The following TEX14 variants were observed in gnomAD, a reference collection of about 807,000 sequenced individuals.
The protein encoded by TEX14 is inactive serine/threonine-protein kinase TEX14.
TEX14 carries 168 observed loss-of-function variants against 178.6 expected under a neutral mutation model. The ratio of observed to expected loss-of-function variants is 0.94; its 90% CI spans 0.83 to 1.07. The LOEUF is 1.07. Among genes scored for constraint, TEX14 ranks in the 50% least tolerant of loss-of-function variants. TEX14 has a pLI of 0.00. For missense variants in TEX14, 1,730 were observed against 1,753.6 expected (o/e 0.99, Z 0.24); for synonymous variants, 626 against 634.1 (o/e 0.99, Z 0.19).
chr17:58,692,028 T>C lies in TEX14; in HGVS notation c.-91A>G, dbSNP rs2047743720. The C allele has an allele frequency of 7.1e-6, 1 of 140,994 alleles. No homozygotes were observed. The highest frequency in any genetic ancestry group is 2.2e-4 in the South Asian group (1 of 4,518). 8.7% of individuals were successfully genotyped at this position (140,994 alleles called of 1,614,324 possible). A position where few individuals can be genotyped will look rare whatever the true frequency, so the allele number is the denominator to read the frequency against. On this transcript the variant is annotated 5_prime_UTR_variant, in exon 1 of 32. Coordinates refer to ENST00000349033, the MANE Select transcript of TEX14 (RefSeq NM_031272.5). ...TCGGGATACGACTCCCGGGAAGACG[T>C]GGGTGGGTGCGGGGAATGCGGACTG...
rs1478772395 is a variant in TEX14 at position 58,599,234 on chromosome 17, C to A, written c.2111G>T (p.Ser704Ile). The A allele has an allele frequency of 6.2e-7, 1 of 1,613,884 alleles. No individual in the cohort carries two copies. Among genetic ancestry groups the A allele is most frequent in the East Asian group, 2.2e-5 (1 of 44,878 alleles). ...GGCTTCTCTGGTTGACTCAGGAAGG[C>A]TGAGTGAACTGAGTGAACCGTTTTG... ...DWQNGSLSSL[S>I]LPESTREAKS... The change falls in exon 14 of 32, where the codon AGC becomes ATC. Residue 704 changes from serine to isoleucine, a missense_variant. This residue lies in a region of TEX14 where 941 missense variants were observed against 1,072.4 expected (regional missense o/e 0.88). Transcript: ENST00000349033.
rs986061483 is a variant in TEX14 at position 58,678,853 on chromosome 17, T to TAATAATAATAAA, written c.-2+13085_-2+13086insTTTATTATTATT. On this transcript the variant is annotated intron_variant, in intron 1 of 31. Coordinates refer to ENST00000349033, the MANE Select transcript of TEX14 (RefSeq NM_031272.5). ...ATAATAATAATAATAATAATAATAA[T>TAATAATAATAAA]AAAAGAGAAGGACACTGGAGCCAGG... Among the ~76,000 whole-genome samples the TAATAATAATAAA allele has an allele frequency of 1.6e-3, 239 of 146,766 alleles. 1 individual carries two copies. The highest frequency in any genetic ancestry group is 5.8e-3 in the African/African-American group (228 of 39,462).
Position 58,593,692 on chromosome 17 carries a change from T to C in TEX14, c.2470-31A>G, listed in dbSNP as rs79825020. The C allele has an allele frequency of 1.4e-5, 22 of 1,555,518 alleles. No individual in the cohort carries two copies. In the South Asian group the frequency reaches 2.4e-4, roughly 17 times the overall value. On this transcript the variant is annotated intron_variant, in intron 14 of 31. Transcript: ENST00000349033. ...AAAGCAATAAACATGTTTCAGGGCT[T>C]TGATGAGAGAATTCCCACTCTCTTC... is the stretch of plus-strand genomic sequence containing the variant.
chr17:58,607,301 T>C (rs987389316), intron 10 of TEX14, among the ~76,000 whole-genome samples: 3 of 152,186 alleles, frequency 2.0e-5, no homozygotes, highest in Non-Finnish European at 4.4e-5. Flanking sequence ...AGGTCATTCC[T>C]AGACATTCAC....
chr17:58,659,233 C>A (rs947712348), intron 1 of TEX14: 20 of 516,424 alleles, frequency 3.9e-5, no homozygotes, highest in Non-Finnish European at 4.8e-5. Flanking sequence ...GGAGCAAACA[C>A]ATAGTAAAAA....
chr17:58,611,206 G>T lies in TEX14; in HGVS notation c.1139C>A (p.Ser380Tyr), dbSNP rs1479302274. Residue 380 changes from serine to tyrosine, a missense_variant, in exon 10 of 32, where the codon TCC becomes TAC. Physicochemically the swap from Ser to Tyr is moderately radical, Grantham distance 144. Coordinates refer to ENST00000349033, the MANE Select transcript of TEX14 (RefSeq NM_031272.5). Reference protein sequence around the residue: ...SLSSYAVHIISPGEARLTNLE... With the variant: ...SLSSYAVHIIYPGEARLTNLE... The stretch of plus-strand genomic sequence containing the variant: ...GTTGGTCAGCCTCGCTTCACCTGGG[G>T]AGATGATATGGACAGCATAGGAGCT... 4.3e-6 allele frequency: 7 copies of T among 1,613,964 alleles called. No individual in the cohort carries two copies. The highest frequency in any genetic ancestry group is 5.9e-6 in the Non-Finnish European group (7 of 1,179,980).
chr17:58,620,083 G>T (rs302862), intron 5 of TEX14, among the ~76,000 whole-genome samples: 34,782 of 152,038 alleles, frequency 0.23, 5,144 homozygotes, highest in Middle Eastern at 0.41. Flanking sequence ...CAATTTAATT[G>T]GAAAACTGGA....
chr17:58,648,376 G>A (rs964631601), intron 2 of TEX14, among the ~76,000 whole-genome samples: 67 of 152,256 alleles, frequency 4.4e-4, no homozygotes, highest in Non-Finnish European at 1.8e-4. Flanking sequence ...TTCCTTCACA[G>A]GTAGAATCCC....
chr17:58,669,330 C>T (rs1308216061), intron 1 of TEX14, among the ~76,000 whole-genome samples: 4 of 149,986 alleles, frequency 2.7e-5, no homozygotes, highest in Non-Finnish European at 5.9e-5. Flanking sequence ...CCAGCCTGGG[C>T]GAAAGAGCGA....
At chr17:58,630,822 A>G (rs1444176285) in intron 2 of TEX14, among the ~76,000 whole-genome samples, 21 of 152,210 alleles carry the variant, frequency 1.4e-4, no homozygotes, top group Non-Finnish European at 4.4e-5. Flanking sequence ...ATGGATTAAA[A>G]TGGTTCTCAA....
At chr17:58,632,132 G>T (rs915403197) in intron 2 of TEX14, among the ~76,000 whole-genome samples, 9 of 152,220 alleles carry the variant, frequency 5.9e-5, no homozygotes, top group Non-Finnish European at 1.3e-4. Flanking sequence ...AAAGCGCGCC[G>T]GAGCGCCAGA....
At chr17:58,674,930 G>A (rs1249763352) in intron 1 of TEX14, among the ~76,000 whole-genome samples, 2 of 150,540 alleles carry the variant, frequency 1.3e-5, no homozygotes, top group Non-Finnish European at 3.0e-5. Flanking sequence ...TGCATCACTT[G>A]AAGCCAGGAG....
chr17:58,576,018 T>C (rs1240847353), intron 21 of TEX14, among the ~76,000 whole-genome samples: 1 of 152,222 alleles, frequency 6.6e-6, no homozygotes, highest in Non-Finnish European at 1.5e-5. Flanking sequence ...ACAGAGTGCC[T>C]GGCATATGCT....
At chr17:58,646,121 T>C (rs1209898345) in intron 2 of TEX14, among the ~76,000 whole-genome samples, 1 of 152,170 alleles carries the variant, frequency 6.6e-6, no homozygotes, top group East Asian at 1.9e-4. Flanking sequence ...ATAAGCAGTG[T>C]CAACTGTATT....
intron 1 of TEX14, among the ~76,000 whole-genome samples, chr17:58,662,415 TC>T (rs2047131520): frequency 8.7e-6 from 1 of 114,888 alleles, no homozygotes; most frequent in African/African-American, 2.8e-5. Flanking sequence ...CACACATATC[TC>T]ACACACACAC....
At chr17:58,644,787 A>AT (rs2046661346) in intron 2 of TEX14, among the ~76,000 whole-genome samples, 1 of 144,102 alleles carries the variant, frequency 6.9e-6, no homozygotes. Context: ...GGATTATGGG[A>AT]TTATAGGCGC....
At chr17:58,586,817 T>G (rs2044987670) in intron 17 of TEX14, among the ~76,000 whole-genome samples, 1 of 152,096 alleles carries the variant, frequency 6.6e-6, no homozygotes, top group South Asian at 2.1e-4. Context: ...CTGCATGGGT[T>G]TTTTCCAGGT....
At chr17:58,686,727 T>C (rs2047600254) in intron 1 of TEX14, among the ~76,000 whole-genome samples, 1 of 152,276 alleles carries the variant, frequency 6.6e-6, no homozygotes, top group South Asian at 2.1e-4. Context: ...CTAGTATATA[T>C]GTCTGAGGCC....
intron 1 of TEX14, among the ~76,000 whole-genome samples, chr17:58,654,441 C>T (rs971857993): frequency 4.0e-5 from 6 of 150,772 alleles, no homozygotes; most frequent in Non-Finnish European, 5.9e-5. Flanking sequence ...TGTAGGTGCA[C>T]TCCCGCTTAT....
Sources: allele counts gnomAD v4.1 joint callset (sites outside exome capture counted in the v4.1 genomes callset), GRCh38; gene constraint gnomAD v4.1.1; regional missense constraint gnomAD v4.1.1; transcripts MANE v1.5; gene names NCBI Gene and HGNC (gene_info 2026-07-23, HGNC 2026-07-21).